Variants in KIF6 observed in about 807,000 individuals in gnomAD.
KIF6 encodes the protein kinesin family member 6, also known as kinesin-like protein KIF6.
Under a neutral mutation model 112.7 loss-of-function variants are expected in KIF6, and 106 were observed. The observed-to-expected ratio is 0.94, with a 90% confidence interval of 0.80 to 1.11. KIF6 has a LOEUF of 1.11. KIF6 is among the 50% of genes least tolerant of loss of function. KIF6 has a pLI of 0.00. For missense variants in KIF6, 929 were observed against 964.0 expected (o/e 0.96, Z 0.48); for synonymous variants, 339 against 339.9 (o/e 1.00, Z 0.03).
At chr6:39,706,794 C>CA (rs1176945016) in intron 3 of KIF6, among the ~76,000 whole-genome samples, 1 of 152,042 alleles carries the variant, frequency 6.6e-6, no homozygotes, top group Admixed American at 6.5e-5. Flanking sequence ...GGAAAAAAAA[C>CA]AAAATGTCAC....
At chr6:39,502,812 G>T (rs1177254019) in intron 13 of KIF6, among the ~76,000 whole-genome samples, 1 of 152,182 alleles carries the variant, frequency 6.6e-6, no homozygotes, top group Non-Finnish European at 1.5e-5. Context: ...AAATATATAT[G>T]CACTCAATAC....
At chr6:39,679,893 A>G (rs938076622) in intron 3 of KIF6, among the ~76,000 whole-genome samples, 6 of 152,158 alleles carry the variant, frequency 3.9e-5, no homozygotes, top group South Asian at 2.1e-4. Context: ...CTGGGATTAC[A>G]GGCGTGAGCC....
chr6:39,437,546 T>C (rs747236828), intron 13 of KIF6, among the ~76,000 whole-genome samples: 6 of 152,202 alleles, frequency 3.9e-5, no homozygotes, highest in Non-Finnish European at 5.9e-5. Context: ...ATGAGGCATG[T>C]ATCCATTGCT....
chr6:39,343,517 T>G lies in KIF6; in HGVS notation c.2428+192A>C. On this transcript the variant is annotated intron_variant, in intron 22 of 22. Coordinates refer to ENST00000287152, the MANE Select transcript of KIF6 (RefSeq NM_145027.6). The surrounding 1 kb of genome is among the most constrained non-coding windows in gnomAD (Gnocchi z 4.1). ...CACCCACTTGGGCCTGTCTTGGTGTTTCTGATGCTGCCCCTTGAGGCTTTC... is the reference window on the plus strand; with the variant it reads ...CACCCACTTGGGCCTGTCTTGGTGTGTCTGATGCTGCCCCTTGAGGCTTTC... The G allele has an allele frequency of 6.8e-7, 1 of 1,466,704 alleles. No homozygotes were observed. The highest frequency in any genetic ancestry group is 9.1e-7 in the Non-Finnish European group (1 of 1,095,328). The allele number at this position is 1,466,704 out of a possible 1,614,324, so 90.9% of individuals were successfully genotyped here. A position where few individuals can be genotyped will look rare whatever the true frequency, so the allele number is the denominator to read the frequency against.
At chr6:39,422,364 C>T (rs901612121) in intron 14 of KIF6, among the ~76,000 whole-genome samples, 13 of 152,332 alleles carry the variant, frequency 8.5e-5, no homozygotes, top group African/African-American at 2.9e-4. Flanking sequence ...AGCCGCCCTG[C>T]TCCAGAGCTG....
chr6:39,664,399 T>A (rs998141279), intron 3 of KIF6, among the ~76,000 whole-genome samples: 2 of 152,190 alleles, frequency 1.3e-5, no homozygotes, highest in Non-Finnish European at 2.9e-5. Flanking sequence ...CCTAAACATC[T>A]CACTGACAGA....
chr6:39,369,775 T>C (rs1765829392), intron 16 of KIF6, among the ~76,000 whole-genome samples: 1 of 152,172 alleles, frequency 6.6e-6, no homozygotes, highest in Non-Finnish European at 1.5e-5. Context: ...CCTAATCTTA[T>C]TACTGCTTGA....
intron 3 of KIF6, among the ~76,000 whole-genome samples, chr6:39,684,239 C>T (rs200302705): frequency 2.3e-4 from 35 of 152,178 alleles, no homozygotes; most frequent in Non-Finnish European, 4.4e-4. Context: ...CAGGGGCTCA[C>T]GCCTGTAATC....
chr6:39,536,313 G>A (rs954825809), intron 13 of KIF6, among the ~76,000 whole-genome samples: 7 of 151,816 alleles, frequency 4.6e-5, no homozygotes, highest in Non-Finnish European at 8.8e-5. Context: ...TTGATAGAAC[G>A]CTAGCAAGAC....
chr6:39,633,833 C>T (rs1409211375), intron 5 of KIF6, among the ~76,000 whole-genome samples: 1 of 152,136 alleles, frequency 6.6e-6, no homozygotes, highest in Non-Finnish European at 1.5e-5. Flanking sequence ...AGTTATATAA[C>T]AGTTGTTTTC....
Position 39,342,594 on chromosome 6 carries a change from G to GTTTT in KIF6, c.2428+1111_2428+1114dup, listed in dbSNP as rs1443982685. ...GGGGACTTGGAGATCACTGAATCCA[G>GTTTT]TTTTTTATTTTTTTTTATTTTTTTT... is the stretch of plus-strand genomic sequence containing the variant. On this transcript the variant is annotated intron_variant, in intron 22 of 22. Coordinates refer to ENST00000287152, the MANE Select transcript of KIF6 (RefSeq NM_145027.6). This position sits in a 1 kb window ranked among gnomAD's most constrained non-coding sequence, Gnocchi z 4.7. Among the ~76,000 whole-genome samples, 11 of 124,374 alleles carry GTTTT rather than the reference G, an allele frequency of 8.8e-5. 2 individuals are homozygous for GTTTT. The highest frequency in any genetic ancestry group is 2.4e-4 in the South Asian group (1 of 4,120). The allele number at this position is 124,374 out of a possible 152,430, so 81.6% of individuals were successfully genotyped here. A position where few individuals can be genotyped will look rare whatever the true frequency, so the allele number is the denominator to read the frequency against.
chr6:39,483,556 C>T (rs775364924), intron 13 of KIF6, among the ~76,000 whole-genome samples: 11 of 152,180 alleles, frequency 7.2e-5, no homozygotes, highest in Non-Finnish European at 1.5e-4. Flanking sequence ...GGCTGTCCCT[C>T]GCTCATGAAA....
chr6:39,435,582 G>T (rs959795168), intron 13 of KIF6, among the ~76,000 whole-genome samples: 12 of 142,162 alleles, frequency 8.4e-5, no homozygotes, highest in Admixed American at 7.6e-4. Flanking sequence ...GTACAAATTT[G>T]CATACCCATA....
chr6:39,477,721 C>T (rs1023424465), intron 13 of KIF6, among the ~76,000 whole-genome samples: 9 of 151,876 alleles, frequency 5.9e-5, no homozygotes, highest in African/African-American at 1.7e-4. Context: ...ATTAGCGGGG[C>T]GTGGTGGCGC....
intron 13 of KIF6, among the ~76,000 whole-genome samples, chr6:39,482,732 A>G (rs894556209): frequency 6.6e-6 from 1 of 152,228 alleles, no homozygotes; most frequent in Non-Finnish European, 1.5e-5. Flanking sequence ...ATCCATTGGT[A>G]AGGGCTGTTT....
intron 1 of KIF6, among the ~76,000 whole-genome samples, chr6:39,724,712 T>A (rs1790433059): frequency 1.3e-5 from 2 of 152,198 alleles, no homozygotes; most frequent in Non-Finnish European, 2.9e-5. Context: ...GTCAACTAAT[T>A]ACTGAGGCCC....
chr6:39,522,567 T>A (rs1777458053), intron 13 of KIF6, among the ~76,000 whole-genome samples: 1 of 152,188 alleles, frequency 6.6e-6, no homozygotes, highest in African/African-American at 2.4e-5. Flanking sequence ...ACAGTGAGCT[T>A]TCTGCCTGCC....
At chr6:39,700,453 T>C (rs1788816494) in intron 3 of KIF6, among the ~76,000 whole-genome samples, 1 of 152,242 alleles carries the variant, frequency 6.6e-6, no homozygotes, top group African/African-American at 2.4e-5. Context: ...TACATGCAAG[T>C]CAGTTTCATG....
At chr6:39,450,147 C>G (rs1369867514) in intron 13 of KIF6, among the ~76,000 whole-genome samples, 4 of 152,208 alleles carry the variant, frequency 2.6e-5, no homozygotes, top group African/African-American at 9.7e-5. Flanking sequence ...GCAAGAGTTT[C>G]CATTTCTGAA....
Sources: gnomAD v4.1 joint callset for allele counts (sites outside exome capture counted in the v4.1 genomes callset) on GRCh38, gnomAD v4.1.1 for gene constraint, Gnocchi (gnomAD v3.1) non-coding constraint, MANE v1.5 for transcripts, NCBI Gene and HGNC (gene_info 2026-07-23, HGNC 2026-07-21) for gene names.